Variants in CDK6 observed in about 807,000 individuals in gnomAD.
CDK6 encodes the protein cyclin dependent kinase 6, also known as cyclin-dependent kinase 6.
A neutral mutation model predicts 37.1 loss-of-function variants in CDK6; 6 were observed. The ratio of observed to expected loss-of-function variants is 0.16; its 90% CI spans 0.09 to 0.32. The LOEUF is 0.32. Among genes scored for constraint, CDK6 ranks in the 10% least tolerant of loss-of-function variants. The pLI is 1.00. For synonymous variants in CDK6, 160 were observed against 161.3 expected (o/e 0.99, Z 0.06); for missense variants, 224 against 418.9 (o/e 0.53, Z 4.06).
At chr7:92,746,964 A>G (rs757532950) in intron 3 of CDK6, among the ~76,000 whole-genome samples, 18 of 151,982 alleles carry the variant, frequency 1.2e-4, no homozygotes, top group Non-Finnish European at 2.4e-4. Flanking sequence ...TCTTTTTCCT[A>G]TCTTTAAAAA....
At chr7:92,701,298 G>A (rs751383051) in intron 4 of CDK6, among the ~76,000 whole-genome samples, 4 of 152,328 alleles carry the variant, frequency 2.6e-5, no homozygotes, top group South Asian at 2.1e-4. Context: ...ATATGTTGTA[G>A]AGATGCACTG....
chr7:92,787,085 G>A (rs745605540), intron 2 of CDK6, among the ~76,000 whole-genome samples: 2 of 151,666 alleles, frequency 1.3e-5, no homozygotes, highest in African/African-American at 4.8e-5. Context: ...AGGAGGCTGA[G>A]GCAGGAGAAT....
intron 3 of CDK6, among the ~76,000 whole-genome samples, chr7:92,750,207 A>C (rs1214235688): frequency 6.6e-6 from 1 of 152,236 alleles, no homozygotes; most frequent in Non-Finnish European, 1.5e-5. Context: ...CTAGAATAAT[A>C]GGAACTTGGT....
At chr7:92,677,536 T>C (rs908952233) in intron 4 of CDK6, among the ~76,000 whole-genome samples, 11 of 152,210 alleles carry the variant, frequency 7.2e-5, no homozygotes, top group Non-Finnish European at 1.3e-4. Context: ...GGAGAATTGC[T>C]TGAACCTGGG....
intron 3 of CDK6, among the ~76,000 whole-genome samples, chr7:92,735,127 T>C (rs1281522494): frequency 6.6e-6 from 1 of 152,190 alleles, no homozygotes; most frequent in Non-Finnish European, 1.5e-5. Context: ...CATATGATCA[T>C]ATCAGAGTTT....
chr7:92,628,931 C>T (rs1287694470), intron 5 of CDK6, among the ~76,000 whole-genome samples: 1 of 152,006 alleles, frequency 6.6e-6, no homozygotes, highest in African/African-American at 2.4e-5. Flanking sequence ...TAGGGATGGT[C>T]TCCCTGGAAG....
rs913553428 is a variant in CDK6 at position 92,608,985 on chromosome 7, ATTCGGCC to A, written c.*6148_*6154del. 8.6e-6 allele frequency: 2 copies of A among 232,956 alleles called. No homozygotes were observed. The highest frequency in any genetic ancestry group is 2.2e-5 in the African/African-American group (1 of 45,338). The allele number at this position is 232,956 out of a possible 1,614,324, so 14.4% of individuals were successfully genotyped here. ...CTGTTATAACAAACCCTGGGGTGGAATTCGGCCTTTCGCATAGGGGCTTTAACTGGAC... is the reference window on the plus strand; with the variant it reads ...CTGTTATAACAAACCCTGGGGTGGAATTTCGCATAGGGGCTTTAACTGGAC... On this transcript the variant is annotated 3_prime_UTR_variant, in exon 8 of 8. Coordinates refer to ENST00000424848, the MANE Select transcript of CDK6 (RefSeq NM_001145306.2).
At chr7:92,826,435 C>T (rs1562977170) in intron 2 of CDK6, among the ~76,000 whole-genome samples, 1 of 152,018 alleles carries the variant, frequency 6.6e-6, no homozygotes, top group Non-Finnish European at 1.5e-5. Flanking sequence ...TTGAGGTTGG[C>T]CCTGAAGGAT....
At chr7:92,632,576 G>A (rs1796077596) in intron 5 of CDK6, among the ~76,000 whole-genome samples, 1 of 152,098 alleles carries the variant, frequency 6.6e-6, no homozygotes, top group African/African-American at 2.4e-5. Context: ...ATCAACAAAA[G>A]CTAGCATTTA....
chr7:92,730,697 GGT>G (rs1305446024), intron 3 of CDK6, among the ~76,000 whole-genome samples: 1 of 152,050 alleles, frequency 6.6e-6, no homozygotes, highest in Non-Finnish European at 1.5e-5. Context: ...TTCATGTTGT[GGT>G]GTGTATCATA....
chr7:92,829,922 A>C (rs1801431891), intron 2 of CDK6, among the ~76,000 whole-genome samples: 1 of 152,270 alleles, frequency 6.6e-6, no homozygotes, highest in South Asian at 2.1e-4. Flanking sequence ...AGACTTTTCC[A>C]GGCTTGTTCA....
chr7:92,762,069 A>T (rs1799468705), intron 3 of CDK6, among the ~76,000 whole-genome samples: 1 of 152,240 alleles, frequency 6.6e-6, no homozygotes, highest in Non-Finnish European at 1.5e-5. Flanking sequence ...CTAAAGATAT[A>T]AGTCAACTCA....
At chr7:92,758,081 T>G (rs1799359748) in intron 3 of CDK6, among the ~76,000 whole-genome samples, 1 of 152,204 alleles carries the variant, frequency 6.6e-6, no homozygotes, top group Non-Finnish European at 1.5e-5. Context: ...AAATATTTTC[T>G]CCCAATCTGT....
intron 5 of CDK6, among the ~76,000 whole-genome samples, chr7:92,665,699 T>C (rs1191973653): frequency 2.0e-5 from 3 of 152,250 alleles, no homozygotes; most frequent in Non-Finnish European, 4.4e-5. Context: ...ATTAAATACA[T>C]GTGTGATTTG....
chr7:92,719,634 T>A (rs977302544), intron 4 of CDK6, among the ~76,000 whole-genome samples: 1 of 152,218 alleles, frequency 6.6e-6, no homozygotes, highest in African/African-American at 2.4e-5. Context: ...CAAAGAGGAA[T>A]GTTTCTCTAA....
intron 2 of CDK6, among the ~76,000 whole-genome samples, chr7:92,814,489 C>T (rs768391008): frequency 6.4e-4 from 97 of 150,628 alleles, no homozygotes; most frequent in Admixed American, 1.1e-3. Flanking sequence ...AAAAACTTCC[C>T]GCAGGTAATA....
At chr7:92,721,302 C>T (rs1798359325) in intron 4 of CDK6, among the ~76,000 whole-genome samples, 1 of 152,138 alleles carries the variant, frequency 6.6e-6, no homozygotes, top group Non-Finnish European at 1.5e-5. Flanking sequence ...CCCATTTAGT[C>T]AGGGAATTGC....
At chr7:92,659,689 A>C (rs1796794668) in intron 5 of CDK6, among the ~76,000 whole-genome samples, 1 of 152,028 alleles carries the variant, frequency 6.6e-6, no homozygotes, top group South Asian at 2.1e-4. Flanking sequence ...AAGTATATCC[A>C]GGGGGATATC....
chr7:92,711,735 T>C (rs1798099201), intron 4 of CDK6, among the ~76,000 whole-genome samples: 1 of 151,444 alleles, frequency 6.6e-6, no homozygotes, highest in African/African-American at 2.4e-5. Context: ...GCCTGGCTAA[T>C]TTTTTTATTT....
Sources: allele counts gnomAD v4.1 joint callset (sites outside exome capture counted in the v4.1 genomes callset), GRCh38; gene constraint gnomAD v4.1.1; transcripts MANE v1.5; gene names NCBI Gene and HGNC (gene_info 2026-07-23, HGNC 2026-07-21).